The following KCTD8 variants were observed in gnomAD, a reference collection of about 807,000 sequenced individuals.
KCTD8 encodes the protein BTB/POZ domain-containing protein KCTD8.
KCTD8 carries 27 observed loss-of-function variants against 31.5 expected under a neutral mutation model. The observed-to-expected ratio is 0.86, with a 90% CI of 0.63 to 1.18. The LOEUF is 1.18. Among genes scored for constraint, KCTD8 ranks in the 50% most tolerant of loss-of-function variants. The pLI is 0.00. For synonymous variants in KCTD8, 290 were observed against 280.0 expected, an observed-to-expected ratio of 1.04 and a Z score of -0.36; for missense variants, 658 against 647.7, an observed-to-expected ratio of 1.02 and a Z score of -0.17.
At chr4:44,277,549 T>C (rs548176125) in intron 1 of KCTD8, among the ~76,000 whole-genome samples, 1 of 151,882 alleles carries the variant, frequency 6.6e-6, no homozygotes, top group East Asian at 1.9e-4. Flanking sequence ...CATTCATTCA[T>C]TCATTCAATA....
intron 1 of KCTD8, among the ~76,000 whole-genome samples, chr4:44,370,865 A>G (rs1413958961): frequency 1.3e-5 from 2 of 152,200 alleles, no homozygotes; most frequent in African/African-American, 4.8e-5. Flanking sequence ...ACTGGCTCCT[A>G]TATTAGTCAA....
intron 1 of KCTD8, among the ~76,000 whole-genome samples, chr4:44,235,577 T>TATATATATATATA (rs1715265203): frequency 1.3e-4 from 5 of 38,920 alleles, no homozygotes; most frequent in Admixed American, 2.6e-4. Flanking sequence ...ATATATATAT[T>TATATATATATATA]TAGAGAGAGA....
chr4:44,427,410 G>A (rs1353339774), intron 1 of KCTD8, among the ~76,000 whole-genome samples: 4 of 151,292 alleles, frequency 2.6e-5, no homozygotes, highest in Admixed American at 2.6e-4. Flanking sequence ...AAGAAAAAGT[G>A]TAAATATTAG....
chr4:44,297,773 A>G (rs981313616), intron 1 of KCTD8, among the ~76,000 whole-genome samples: 1 of 152,176 alleles, frequency 6.6e-6, no homozygotes, highest in African/African-American at 2.4e-5. Flanking sequence ...AGAAATGTCT[A>G]CTACTCCACA....
intron 1 of KCTD8, among the ~76,000 whole-genome samples, chr4:44,334,397 CA>C (rs1052824963): frequency 2.6e-4 from 37 of 140,402 alleles, no homozygotes; most frequent in African/African-American, 8.6e-4. Flanking sequence ...TATACATGGT[CA>C]AACAAAATCC....
chr4:44,337,627 T>C (rs1370806540), intron 1 of KCTD8, among the ~76,000 whole-genome samples: 4 of 150,480 alleles, frequency 2.7e-5, no homozygotes, highest in Non-Finnish European at 5.9e-5. Flanking sequence ...TGAGCCGAGA[T>C]TGCACCACTG....
intron 1 of KCTD8, among the ~76,000 whole-genome samples, chr4:44,210,737 G>A (rs1714462547): frequency 6.6e-6 from 1 of 152,258 alleles, no homozygotes; most frequent in Admixed American, 6.5e-5. Context: ...CAGGAGGGAA[G>A]GGCACCACTT....
At chr4:44,338,540 T>A (rs961083832) in intron 1 of KCTD8, among the ~76,000 whole-genome samples, 6 of 152,174 alleles carry the variant, frequency 3.9e-5, no homozygotes, top group African/African-American at 1.4e-4. Context: ...TCTTAATAGG[T>A]AGTGCTACAT....
chr4:44,274,765 T>C (rs1250455307), intron 1 of KCTD8, among the ~76,000 whole-genome samples: 2 of 151,854 alleles, frequency 1.3e-5, no homozygotes, highest in Non-Finnish European at 2.9e-5. Context: ...CTCACCCTAA[T>C]ACATTGTATC....
chr4:44,226,566 T>C (rs954640817), intron 1 of KCTD8, among the ~76,000 whole-genome samples: 8 of 152,180 alleles, frequency 5.3e-5, no homozygotes, highest in Non-Finnish European at 1.2e-4. Flanking sequence ...AGTAATGGGA[T>C]TGCTGGGTCA....
At chr4:44,294,864 C>T (rs1313035263) in intron 1 of KCTD8, among the ~76,000 whole-genome samples, 6 of 151,950 alleles carry the variant, frequency 3.9e-5, no homozygotes, top group Non-Finnish European at 7.4e-5. Context: ...TGTTTAAGGT[C>T]CCACTTTTAT....
chr4:44,322,560 A>G (rs994457733), intron 1 of KCTD8, among the ~76,000 whole-genome samples: 1 of 151,790 alleles, frequency 6.6e-6, no homozygotes, highest in African/African-American at 2.4e-5. Flanking sequence ...TCTTCATTTT[A>G]TGTTTTTCCT....
intron 1 of KCTD8, among the ~76,000 whole-genome samples, chr4:44,394,554 C>A (rs1472016811): frequency 1.3e-5 from 2 of 152,020 alleles, no homozygotes; most frequent in African/African-American, 4.8e-5. Context: ...CATTATGAAT[C>A]CTATTTTTAT....
intron 1 of KCTD8, among the ~76,000 whole-genome samples, chr4:44,318,485 AC>A (rs1347342090): frequency 1.3e-5 from 2 of 152,126 alleles, no homozygotes; most frequent in Non-Finnish European, 2.9e-5. Context: ...GGAACGTGAA[AC>A]TTAAAAAAAA....
At chr4:44,334,994 A>G (rs1046774206) in intron 1 of KCTD8, among the ~76,000 whole-genome samples, 10 of 152,154 alleles carry the variant, frequency 6.6e-5, no homozygotes, top group Admixed American at 2.0e-4. Flanking sequence ...AAGGGAAAAG[A>G]ACATAAAAAT....
At chr4:44,219,295 T>C (rs904549474) in intron 1 of KCTD8, among the ~76,000 whole-genome samples, 6 of 152,228 alleles carry the variant, frequency 3.9e-5, no homozygotes, top group Non-Finnish European at 5.9e-5. Context: ...TGTTGTGGAT[T>C]GAATTGTATA....
chr4:44,447,764 C>G lies in KCTD8; in HGVS notation c.760G>C (p.Glu254Gln), dbSNP rs200013511. 11 of 1,611,608 alleles carry G rather than the reference C, an allele frequency of 6.8e-6. No individual in the cohort carries two copies. The highest frequency in any genetic ancestry group is 9.3e-6 in the Non-Finnish European group (11 of 1,178,924). Residue 254 changes from glutamate (E) to glutamine (Q), a missense_variant, in exon 1 of 2, where the codon GAG becomes CAG. Glu to Gln is a conservative substitution (Grantham distance 29). Coordinates refer to ENST00000360029, the MANE Select transcript of KCTD8 (RefSeq NM_198353.3). ...GGCTGCCGGTCGGGGTCGCGGCTCT[C>G]GTTGAGCGTGTCCCCGAAGACCTCC... ...AKEVFGDTLN[E>Q]SRDPDRQPEK...
At chr4:44,371,950 T>C (rs533015389) in intron 1 of KCTD8, among the ~76,000 whole-genome samples, 2 of 152,318 alleles carry the variant, frequency 1.3e-5, no homozygotes, top group East Asian at 1.9e-4. Context: ...ACATAACTTA[T>C]AAAGCTTATG....
At chr4:44,312,529 A>G (rs527704772) in intron 1 of KCTD8, among the ~76,000 whole-genome samples, 1 of 152,298 alleles carries the variant, frequency 6.6e-6, no homozygotes, top group African/African-American at 2.4e-5. Context: ...CAATAGAGAA[A>G]GAATAGCTAC....
Sources: allele counts gnomAD v4.1 joint callset (sites outside exome capture counted in the v4.1 genomes callset), GRCh38; gene constraint gnomAD v4.1.1; transcripts MANE v1.5; gene names NCBI Gene and HGNC (gene_info 2026-07-23, HGNC 2026-07-21).